CAD: variants seen among roughly 807,000 people sequenced by gnomAD.
CAD encodes carbamoyl-phosphate synthetase 2, aspartate transcarbamylase, and dihydroorotase, also known as multifunctional protein CAD.
CAD carries 81 observed loss-of-function variants against 237.2 expected under a neutral mutation model. That is an observed-to-expected ratio of 0.34 (90% CI 0.29 to 0.41). The LOEUF is 0.41. Among genes scored for constraint, CAD ranks in the 10% least tolerant of loss-of-function variants. CAD has a pLI of 1.00. For synonymous variants in CAD, 1,196 were observed against 1,162.8 expected (o/e 1.03, Z -0.58); for missense variants, 2,181 against 2,951.7 (o/e 0.74, Z 6.05).
chr2:27,239,035 C>T lies in CAD; in HGVS notation c.5063-7C>T, dbSNP rs376021058. On this transcript the variant is annotated splice_region_variant and splice_polypyrimidine_tract_variant and intron_variant, in intron 31 of 43. Transcript: ENST00000264705. This position sits in a 1 kb window ranked among gnomAD's most constrained non-coding sequence, Gnocchi z 4.0. ...GGTCCTGAGGGTAATGGCTTTCTTT[C>T]TCCCAGCTCCCCATACCTTGGAGGA... 1 of 1,540,590 alleles carries T rather than the reference C, an allele frequency of 6.5e-7. No individual in the cohort carries two copies. The highest frequency in any genetic ancestry group is 8.7e-7 in the Non-Finnish European group (1 of 1,146,962).
intron 13 of CAD, 26 bp from the exon 14 acceptor site, chr2:27,226,499 A>G: frequency 6.2e-7 from 1 of 1,613,254 alleles, no homozygotes; most frequent in South Asian, 1.1e-5. Context: ...CTTCTAGGCC[A>G]GTGACTTTAT....
In CAD at chr2:27,242,220, A is replaced by C; in HGVS notation, c.6097-82A>C. The C allele has an allele frequency of 6.3e-7, 1 of 1,582,088 alleles. No homozygotes were observed. The highest frequency in any genetic ancestry group is 8.6e-7 in the Non-Finnish European group (1 of 1,160,590). ...CGTTTTCTGTGTTTTGGGCCAGATG[A>C]GTGAGGGGACCCCAGAAGAGGGGGA... On this transcript the variant is annotated intron_variant, in intron 39 of 43. Coordinates refer to ENST00000264705, the MANE Select transcript of CAD (RefSeq NM_004341.5). This position sits in a 1 kb window ranked among gnomAD's most constrained non-coding sequence, Gnocchi z 6.4.
rs374182358 is a variant in CAD at position 27,222,648 on chromosome 2, C to G, written c.625C>G (p.Leu209Val). 13 of 1,613,694 alleles carry G rather than the reference C, an allele frequency of 8.1e-6. No homozygotes were observed. In the East Asian group the frequency reaches 1.8e-4, roughly 22 times the overall value. ...EVTVVPWDHALDSQEYEGLFL... is the reference protein window; with the variant it reads ...EVTVVPWDHAVDSQEYEGLFL... ...CACTGTGGTACCCTGGGACCATGCA[C>G]TAGACAGCCAAGGTGAGTAGCTGGG... The change falls in exon 5 of 44, where the codon CTA (leucine) becomes GTA (valine). Residue 209 changes from leucine to valine, a missense_variant. Physicochemically the swap from Leu to Val is conservative, Grantham distance 32. Transcript: ENST00000264705.
Position 27,236,025 on chromosome 2 carries a change from C to G in CAD, c.4075-259C>G. The G allele has an allele frequency of 5.5e-6, 3 of 545,620 alleles. No individual in the cohort carries two copies. Among genetic ancestry groups the G allele is most frequent in the Non-Finnish European group, 9.7e-6 (3 of 308,860 alleles). The allele number at this position is 545,620 out of a possible 1,614,324, so 33.8% of individuals were successfully genotyped here. On this transcript the variant is annotated intron_variant, in intron 25 of 43. Transcript: ENST00000264705. The surrounding 1 kb of genome is among the most constrained non-coding windows in gnomAD (Gnocchi z 4.1). Reference sequence around the variant, plus strand: ...TCTGTACCACTGTTCTGATATTTTTCCTTCCAGGATTTTCTCTGTGTACAT... The same window carrying G: ...TCTGTACCACTGTTCTGATATTTTTGCTTCCAGGATTTTCTCTGTGTACAT...
intron 13 of CAD, 48 bp from the exon 14 acceptor site, chr2:27,226,477 C>G (rs777907123): frequency 3.1e-6 from 5 of 1,608,262 alleles, no homozygotes; most frequent in Non-Finnish European, 4.3e-6. Context: ...TGAGACCTCT[C>G]CTAGACAGGG....
At position 27,232,766 on chromosome 2, in the gene CAD, C is replaced by T; in HGVS notation, c.2892+72C>T. ...CTCTAGCAATTGCTTGGCACTAATC[C>T]TGGCATTTCCTATTAATTGCCGTCC... is the stretch of plus-strand genomic sequence containing the variant. On this transcript the variant is annotated intron_variant, in intron 18 of 43. Coordinates refer to ENST00000264705, the MANE Select transcript of CAD (RefSeq NM_004341.5). The surrounding 1 kb of genome is among the most constrained non-coding windows in gnomAD (Gnocchi z 4.1). The T allele has an allele frequency of 3.2e-6, 5 of 1,578,344 alleles. No homozygotes were observed. In the Admixed American group the frequency reaches 6.7e-5, roughly 21 times the overall value.
rs1008754931 is a variant in CAD at position 27,232,981 on chromosome 2, G to A, written c.2893-61G>A. On this transcript the variant is annotated intron_variant, in intron 18 of 43. Transcript: ENST00000264705. This position sits in a 1 kb window ranked among gnomAD's most constrained non-coding sequence, Gnocchi z 4.1. The stretch of plus-strand genomic sequence containing the variant: ...AGGGGCTTTGGCTTAGTTTCTCCAC[G>A]ATTTTCTCCACGATTTTCCTCCCAC... The A allele has an allele frequency of 1.3e-5, 15 of 1,161,654 alleles. No homozygotes were observed. The highest frequency in any genetic ancestry group is 4.6e-5 in the African/African-American group (3 of 65,152). The allele number at this position is 1,161,654 out of a possible 1,614,324, so 72.0% of individuals were successfully genotyped here.
rs1558527588 is a variant in CAD, at chr2:27,222,222, G to A, written c.381G>A (p.Lys127=). The change falls in exon 4 of 44, where the codon AAG becomes AAA. Residue 127 remains lysine, a synonymous_variant. Transcript: ENST00000264705. ...QGVDTRELTK[K]LREQGSLLGK... ...TAGACACTCGGGAGCTGACCAAGAA[G>A]TTGCGGGAACAGGGGTCTCTGCTGG... 1.9e-6 allele frequency: 3 copies of A among 1,614,026 alleles called. No homozygotes were observed. Among genetic ancestry groups the A allele is most frequent in the Non-Finnish European group, 1.7e-6 (2 of 1,179,988 alleles).
In CAD at chr2:27,222,438, A is replaced by T. The variant is rs1056861192; in HGVS notation, c.496-81A>T. 147 of 1,573,522 alleles carry T rather than the reference A, an allele frequency of 9.3e-5. No homozygotes were observed. In the African/African-American group the frequency reaches 2.0e-3, roughly 21 times the overall value. On this transcript the variant is annotated intron_variant, in intron 4 of 43. Coordinates refer to ENST00000264705, the MANE Select transcript of CAD (RefSeq NM_004341.5). ...CAGGAGAGAATCAAAGGAGGCTTTG[A>T]AGGTAGGAGTTGGTGCAGGCATATC...
Position 27,240,939 on chromosome 2 carries a change from G to A in CAD, c.5622G>A (p.Arg1874=). The change falls in exon 36 of 44, where the codon CGG becomes CGA. Residue 1874 remains arginine (R), a synonymous_variant. Coordinates refer to ENST00000264705, the MANE Select transcript of CAD (RefSeq NM_004341.5). The surrounding 1 kb of genome is among the most constrained non-coding windows in gnomAD (Gnocchi z 4.6). ...PAEEPKEKSS[R]KVAEPELMGT... is the part of the protein sequence containing the mutation. ...AGGAGCCAAAGGAGAAGTCCTCTCGGAAGGTAGCCGAGCCAGGTGAGACTC... is the reference window on the plus strand; with the variant it reads ...AGGAGCCAAAGGAGAAGTCCTCTCGAAAGGTAGCCGAGCCAGGTGAGACTC... 1 of 1,614,110 alleles carries A rather than the reference G, an allele frequency of 6.2e-7. No individual in the cohort carries two copies. Among genetic ancestry groups the A allele is most frequent in the Non-Finnish European group, 8.5e-7 (1 of 1,180,006 alleles).
chr2:27,239,076 G>A lies in CAD; in HGVS notation c.5097G>A (p.Arg1699=). The stretch of plus-strand genomic sequence containing the variant: ...CCTTGGAGGAGAAGTGTGGGTCCAG[G>A]CCCCCACCTGGGTTCCCAGGGTTAG... The part of the protein sequence containing the change: ...PHTLEEKCGS[R]PPPGFPGLET... Residue 1699 remains arginine (R), a synonymous_variant, in exon 32 of 44, where the codon AGG becomes AGA. Transcript: ENST00000264705. This position sits in a 1 kb window ranked among gnomAD's most constrained non-coding sequence, Gnocchi z 4.0. 6.3e-7 allele frequency: 1 copy of A among 1,592,646 alleles called. No homozygotes were observed. Among genetic ancestry groups the A allele is most frequent in the Non-Finnish European group, 8.5e-7 (1 of 1,170,428 alleles).
rs1183137706 is a variant in CAD, at chr2:27,237,323, T to C, written c.4397-56T>C. The stretch of plus-strand genomic sequence containing the variant: ...ACAGGCGTGAGCCACCATGTCCAGC[T>C]CACCCTTCCTATTTCTGAATCTTCC... On this transcript the variant is annotated intron_variant, in intron 27 of 43. Transcript: ENST00000264705. This position sits in a 1 kb window ranked among gnomAD's most constrained non-coding sequence, Gnocchi z 4.0. 13 of 1,580,496 alleles carry C rather than the reference T, an allele frequency of 8.2e-6. No individual in the cohort carries two copies. The South Asian group carries it at 1.4e-4, about 17-fold the overall frequency.
chr2:27,232,804 A>T lies in CAD; in HGVS notation c.2892+110A>T. On this transcript the variant is annotated intron_variant, in intron 18 of 43. Coordinates refer to ENST00000264705, the MANE Select transcript of CAD (RefSeq NM_004341.5). This position sits in a 1 kb window ranked among gnomAD's most constrained non-coding sequence, Gnocchi z 4.1. ...TTAATTGCCGTCCCTTACTTTGGTC[A>T]TAGAGCTTTGGGGTGGGGGTCCTTT... 3 of 1,424,776 alleles carry T rather than the reference A, an allele frequency of 2.1e-6. No individual in the cohort carries two copies. Among genetic ancestry groups the T allele is most frequent in the Non-Finnish European group, 2.9e-6 (3 of 1,027,332 alleles). 88.3% of individuals were successfully genotyped at this position (1,424,776 alleles called of 1,614,324 possible).
chr2:27,225,990 C>A, intron 12 of CAD, 64 bp downstream of exon 12: 1 of 1,545,514 alleles, frequency 6.5e-7, no homozygotes, highest in Non-Finnish European at 8.9e-7. Flanking sequence ...AGAGCAGAGG[C>A]CCAGGCCAAG....
At position 27,236,892 on chromosome 2, in the gene CAD, G is replaced by C; in HGVS notation, c.4396+62G>C. ...GCAGCCCCTGGCATAGAGACCTGCA[G>C]TGTGGTGAAGGATGGCTGGGGGGCC... On this transcript the variant is annotated intron_variant, in intron 27 of 43. Coordinates refer to ENST00000264705, the MANE Select transcript of CAD (RefSeq NM_004341.5). The surrounding 1 kb of genome is among the most constrained non-coding windows in gnomAD (Gnocchi z 4.1). 1 of 1,376,520 alleles carries C rather than the reference G, an allele frequency of 7.3e-7. No individual in the cohort carries two copies. Among genetic ancestry groups the C allele is most frequent in the Non-Finnish European group, 1.0e-6 (1 of 963,086 alleles). 85.3% of individuals were successfully genotyped at this position (1,376,520 alleles called of 1,614,324 possible).
chr2:27,237,955 T>A lies in CAD; in HGVS notation c.4728+73T>A. On this transcript the variant is annotated intron_variant, in intron 29 of 43. Transcript: ENST00000264705. This position sits in a 1 kb window ranked among gnomAD's most constrained non-coding sequence, Gnocchi z 4.0. ...CTTGTGGGCCCCTGCCTAAGTGGGC[T>A]GGTAGCAGTGAGGATTCAGGGGAGC... 1 of 1,576,000 alleles carries A rather than the reference T, an allele frequency of 6.3e-7. No individual in the cohort carries two copies. Among genetic ancestry groups the A allele is most frequent in the Non-Finnish European group, 8.6e-7 (1 of 1,158,358 alleles).
rs1173856019 is a variant in CAD, at chr2:27,233,706, T to C, written c.3297T>C (p.Asn1099=). 1.2e-6 allele frequency: 2 copies of C among 1,614,138 alleles called. No individual in the cohort carries two copies. The highest frequency in any genetic ancestry group is 2.2e-5 in the East Asian group (1 of 44,872). Residue 1099 remains asparagine (N), a synonymous_variant, in exon 21 of 44, where the codon AAT becomes AAC. Coordinates refer to ENST00000264705, the MANE Select transcript of CAD (RefSeq NM_004341.5). The surrounding 1 kb of genome is among the most constrained non-coding windows in gnomAD (Gnocchi z 6.3). ...PSYVLSGAAM[N]VAYTDGDLER... ...ATGTGCTGAGCGGTGCTGCTATGAA[T>C]GTGGCCTACACGGATGGAGACCTGG...
Position 27,235,225 on chromosome 2 carries a change from CTT to C in CAD, c.3787-19_3787-18del. On this transcript the variant is annotated intron_variant, in intron 23 of 43. Coordinates refer to ENST00000264705, the MANE Select transcript of CAD (RefSeq NM_004341.5). This position sits in a 1 kb window ranked among gnomAD's most constrained non-coding sequence, Gnocchi z 5.2. ...GTCCTCTCACACCTTGGCCCTCTCT[CTT>C]CCCTCCCGCCCCTTTAGGTGCCTCA... is the stretch of plus-strand genomic sequence containing the variant. The C allele has an allele frequency of 6.3e-7, 1 of 1,585,592 alleles. No homozygotes were observed.
chr2:27,240,841 C>T lies in CAD; in HGVS notation c.5594-70C>T. On this transcript the variant is annotated intron_variant, in intron 35 of 43. Transcript: ENST00000264705. This position sits in a 1 kb window ranked among gnomAD's most constrained non-coding sequence, Gnocchi z 4.6. Reference sequence around the variant, plus strand: ...AACATATACACTGTGATTCAGAGTTCCTGGGAATATGGGGTTTCTTTCCAA... The same window carrying T: ...AACATATACACTGTGATTCAGAGTTTCTGGGAATATGGGGTTTCTTTCCAA... The T allele has an allele frequency of 6.5e-7, 1 of 1,535,090 alleles. No homozygotes were observed. Among genetic ancestry groups the T allele is most frequent in the African/African-American group, 1.4e-5 (1 of 73,436 alleles).
Sources: gnomAD v4.1 joint callset for allele counts on GRCh38, gnomAD v4.1.1 for gene constraint, Gnocchi (gnomAD v3.1) non-coding constraint, MANE v1.5 for transcripts, NCBI Gene and HGNC (gene_info 2026-07-23, HGNC 2026-07-21) for gene names.